The following TG variants were observed in gnomAD, a reference collection of about 807,000 sequenced individuals.
TG encodes thyroglobulin, also known as thyroid hormones.
In TG, 270 loss-of-function variants were observed where a neutral mutation model predicts 324.7. The ratio of observed to expected loss-of-function variants is 0.83; its 90% confidence interval spans 0.75 to 0.92. The LOEUF (loss-of-function observed/expected upper bound fraction) is 0.92. Among genes scored for constraint, TG ranks in the 40% least tolerant of loss-of-function variants. The probability of loss-of-function intolerance (pLI) is 0.00; values close to 1 mark genes in which losing one functional copy is unlikely to be tolerated. For synonymous variants in TG, 1,401 were observed against 1,327.0 expected (o/e 1.06, Z -1.21); for missense variants, 3,591 against 3,456.4 (o/e 1.04, Z -0.98).
chr8:132,898,127 C>T lies in TG; in HGVS notation c.3140-42C>T, dbSNP rs938565768. 4 of 1,547,494 alleles carry T rather than the reference C, an allele frequency of 2.6e-6. No individual in the cohort carries two copies. In the South Asian group the frequency reaches 4.7e-5, roughly 18 times the overall value. ...TTATGGGACACTCCAGGGTAAGTCC[C>T]TAGTGCAATTCCTGAATGTTCTCCC... On this transcript the variant is annotated intron_variant, in intron 12 of 47. Transcript: ENST00000220616.
rs1424929648 is a variant in TG at position 132,948,811 on chromosome 8, G to C, written c.5269G>C (p.Val1757Leu). ...IICGLLSSPS[V>L]LLCNVKDWMD... is the part of the protein sequence containing the mutation. The stretch of plus-strand genomic sequence containing the variant: ...CTGTGGGTTGCTGAGCTCACCCAGT[G>C]TCCTGCTTTGTAATGTCAAAGACTG... The change falls in exon 27 of 48, where the codon GTC becomes CTC. Residue 1757 changes from valine (V) to leucine (L), a missense_variant. Physicochemically the swap from Val to Leu is conservative, Grantham distance 32 (BLOSUM62 1). Transcript: ENST00000220616. The C allele has an allele frequency of 6.2e-7, 1 of 1,613,928 alleles. No homozygotes were observed. The highest frequency in any genetic ancestry group is 1.3e-5 in the African/African-American group (1 of 74,862).
intron 41 of TG, among the ~76,000 whole-genome samples, chr8:133,084,748 C>T (rs1846267791): frequency 1.3e-5 from 2 of 152,244 alleles, no homozygotes; most frequent in South Asian, 2.1e-4. Flanking sequence ...CCCCTTAGAG[C>T]GCTCCCCCAC....
At chr8:132,909,064 T>C (rs566284277) in intron 18 of TG, among the ~76,000 whole-genome samples, 11 of 152,198 alleles carry the variant, frequency 7.2e-5, no homozygotes, top group Non-Finnish European at 1.3e-4. Context: ...CCTTGTTGGC[T>C]GTGGCTAGGA....
chr8:133,049,732 A>C, intron 41 of TG: 1 of 613,380 alleles, frequency 1.6e-6, no homozygotes, highest in Non-Finnish European at 2.9e-6. Context: ...CAGAAGAGAT[A>C]AGTTAGCCCA....
chr8:132,885,957 T>G (rs1182192940), intron 8 of TG, among the ~76,000 whole-genome samples: 1 of 152,214 alleles, frequency 6.6e-6, no homozygotes, highest in Non-Finnish European at 1.5e-5. Context: ...TTTGTTTATT[T>G]ACATGACCTT....
intron 22 of TG, among the ~76,000 whole-genome samples, chr8:132,926,131 C>T (rs961513939): frequency 7.9e-5 from 12 of 152,198 alleles, no homozygotes; most frequent in South Asian, 2.1e-4. Flanking sequence ...ACTTTCTCTT[C>T]GGGAGTAAAA....
rs1003403314 is a variant in TG, at chr8:133,062,553, C to T, written c.7240-32491C>T. On this transcript the variant is annotated intron_variant, in intron 41 of 47. Coordinates refer to ENST00000220616, the MANE Select transcript of TG (RefSeq NM_003235.5). ...GTGGGAGTGTGCTGCCTCCGAGGCC[C>T]GGGTCAGGCAAGAGGGAAGAGGCAA... Among the ~76,000 whole-genome samples the T allele has an allele frequency of 7.9e-5, 12 of 152,356 alleles. No homozygotes were observed. In the South Asian group the frequency reaches 1.2e-3, roughly 16 times the overall value.
chr8:132,950,465 A>G (rs1466464299), intron 27 of TG, among the ~76,000 whole-genome samples: 1 of 152,182 alleles, frequency 6.6e-6, no homozygotes, highest in African/African-American at 2.4e-5. Flanking sequence ...TCACACCTTT[A>G]TATCCTGCAT....
At chr8:133,058,282 T>C (rs1841829227) in intron 41 of TG, among the ~76,000 whole-genome samples, 2 of 152,110 alleles carry the variant, frequency 1.3e-5, no homozygotes, top group Admixed American at 6.5e-5. Flanking sequence ...GCGCTTGATG[T>C]GGTTGCCTGG....
chr8:132,962,978 T>C lies in TG; in HGVS notation c.5468-16T>C, dbSNP rs1229910784. ...ATTCTCCCCAACATTGCAACAACTC[T>C]TTTTTTTCCTCCTAGATTCTGACAT... On this transcript the variant is annotated splice_polypyrimidine_tract_variant and intron_variant, in intron 28 of 47. Coordinates refer to ENST00000220616, the MANE Select transcript of TG (RefSeq NM_003235.5). The C allele has an allele frequency of 3.1e-6, 5 of 1,608,958 alleles. 1 individual carries two copies. In the Admixed American group the frequency reaches 6.7e-5, roughly 21 times the overall value.
chr8:133,059,157 G>A (rs1321361222), intron 41 of TG: 2 of 456,114 alleles, frequency 4.4e-6, no homozygotes, highest in East Asian at 6.9e-5. Flanking sequence ...CCAGGGCGGT[G>A]CTGCAGGGGC....
At chr8:132,995,153 C>T in intron 35 of TG, 1 of 967,118 alleles carries the variant, frequency 1.0e-6, no homozygotes, top group Non-Finnish European at 1.2e-6. Context: ...AATTCTATTC[C>T]TACTCTATGA....
intron 16 of TG, among the ~76,000 whole-genome samples, chr8:132,903,682 C>T (rs1016350483): frequency 2.0e-5 from 3 of 152,086 alleles, no homozygotes; most frequent in Admixed American, 1.3e-4. Flanking sequence ...AGGAGGATGG[C>T]GTTAACATGA....
At chr8:132,882,410 A>T (rs1294986018) in intron 6 of TG, 59 bp from the exon 7 acceptor site, 2 of 1,601,746 alleles carry the variant, frequency 1.2e-6, no homozygotes, top group African/African-American at 2.7e-5. Context: ...TTGCACAACA[A>T]GGTCAGGGCT....
intron 41 of TG, chr8:133,044,922 A>G (rs1260902173): frequency 1.3e-6 from 2 of 1,565,866 alleles, no homozygotes; most frequent in East Asian, 2.2e-5. Flanking sequence ...GGATGGCGCC[A>G]CAGAGCAATT....
intron 33 of TG, 121 bp from the exon 34 acceptor site, chr8:132,972,477 A>T: frequency 8.8e-7 from 1 of 1,132,844 alleles, no homozygotes; most frequent in Non-Finnish European, 1.3e-6. Context: ...TCTGAAATAT[A>T]GTGGTGTATC....
At position 132,868,141 on chromosome 8, in the gene TG, C is replaced by T. The variant is rs371315184; in HGVS notation, c.94C>T (p.Arg32Cys). The change falls in exon 2 of 48, where the codon CGT (arginine) becomes TGT (cysteine). Residue 32 changes from arginine (R) to cysteine (C), a missense_variant. Physicochemically the swap from Arg to Cys is radical, Grantham distance 180. Coordinates refer to ENST00000220616, the MANE Select transcript of TG (RefSeq NM_003235.5). ...FEYQVDAQPL[R>C]PCELQRETAF... is the part of the protein sequence containing the mutation. ...GTACCAGGTGGATGCCCAGCCCCTTCGTCCCTGTGAGCTGCAGAGGGAAAC... is the reference window on the plus strand; with the variant it reads ...GTACCAGGTGGATGCCCAGCCCCTTTGTCCCTGTGAGCTGCAGAGGGAAAC... The T allele has an allele frequency of 3.3e-4, 525 of 1,614,160 alleles. 1 individual carries two copies. The highest frequency in any genetic ancestry group is 4.2e-4 in the Non-Finnish European group (498 of 1,180,020).
chr8:132,970,294 G>C (rs1829323629), intron 32 of TG, among the ~76,000 whole-genome samples: 1 of 152,004 alleles, frequency 6.6e-6, no homozygotes, highest in African/African-American at 2.4e-5. Context: ...GTCTCTCCTA[G>C]TATTGTCTGT....
At chr8:132,889,719 C>T (rs1474462676) in intron 10 of TG, among the ~76,000 whole-genome samples, 1 of 152,096 alleles carries the variant, frequency 6.6e-6, no homozygotes, top group Non-Finnish European at 1.5e-5. Flanking sequence ...TAAATTTGGT[C>T]CTATTTGTAT....
Sources: allele counts gnomAD v4.1 joint callset (sites outside exome capture counted in the v4.1 genomes callset), GRCh38; gene constraint gnomAD v4.1.1; transcripts MANE v1.5; gene names NCBI Gene and HGNC (gene_info 2026-07-23, HGNC 2026-07-21).